Variants in PKNOX2 observed in about 807,000 individuals in gnomAD.
PKNOX2 encodes homeobox protein PKNOX2.
PKNOX2 carries 14 observed loss-of-function variants against 53.1 expected under a neutral mutation model. That is an observed-to-expected ratio of 0.26 (90% CI 0.17 to 0.41). The LOEUF (loss-of-function observed/expected upper bound fraction) is 0.41, where lower values mean the gene tolerates loss of function less well. Among genes scored for constraint, PKNOX2 ranks in the 10% least tolerant of loss-of-function variants. The probability of loss-of-function intolerance (pLI) is 1.00; values close to 1 mark genes in which losing one functional copy is unlikely to be tolerated. For synonymous variants in PKNOX2, 257 were observed against 242.8 expected (o/e 1.06, Z -0.54); for missense variants, 496 against 602.8 (o/e 0.82, Z 1.85).
chr11:125,359,879 G>A (rs779467979), intron 4 of PKNOX2, among the ~76,000 whole-genome samples: 1 of 152,214 alleles, frequency 6.6e-6, no homozygotes, highest in Non-Finnish European at 1.5e-5. Flanking sequence ...CCTCTTAGGA[G>A]TGTCTGTGCT....
chr11:125,343,230 T>C (rs984141259), intron 3 of PKNOX2, among the ~76,000 whole-genome samples: 5 of 152,040 alleles, frequency 3.3e-5, no homozygotes, highest in African/African-American at 1.2e-4. Context: ...GGGGACACAA[T>C]AGTCATGGCC....
At chr11:125,213,521 A>T (rs949921201) in intron 1 of PKNOX2, among the ~76,000 whole-genome samples, 3 of 152,108 alleles carry the variant, frequency 2.0e-5, no homozygotes, top group African/African-American at 7.2e-5. Context: ...TACAGTGCAC[A>T]ATCAGGGCTC....
intron 8 of PKNOX2, 73 bp downstream of exon 8, chr11:125,410,398 C>A (rs1004754727): frequency 2.5e-6 from 4 of 1,591,088 alleles, no homozygotes; most frequent in Middle Eastern, 1.7e-4. Flanking sequence ...GAGGCGGTTC[C>A]AGGGGTGGGG....
At chr11:125,197,927 G>A (rs1380208748) in intron 1 of PKNOX2, among the ~76,000 whole-genome samples, 1 of 152,170 alleles carries the variant, frequency 6.6e-6, no homozygotes, top group African/African-American at 2.4e-5. Flanking sequence ...AGAGACCCTA[G>A]GGAAGCTAAT....
chr11:125,214,478 T>A (rs1940241573), intron 1 of PKNOX2, among the ~76,000 whole-genome samples: 1 of 152,010 alleles, frequency 6.6e-6, no homozygotes, highest in Non-Finnish European at 1.5e-5. Flanking sequence ...GTCTAAATCA[T>A]GTACCTGGGA....
Position 125,410,889 on chromosome 11 carries a change from A to C in PKNOX2, c.816+13A>C, listed in dbSNP as rs1189543182. 1 of 1,603,190 alleles carries C rather than the reference A, an allele frequency of 6.2e-7. No individual in the cohort carries two copies. The highest frequency in any genetic ancestry group is 8.5e-7 in the Non-Finnish European group (1 of 1,170,120). On this transcript the variant is annotated intron_variant, in intron 9 of 12. Transcript: ENST00000298282. ...CCAGAACACACAGGTGAGTGTGTGT[A>C]GGTGTGTGCACATGTGCATGGTGTG...
chr11:125,197,882 C>T (rs1004257604), intron 1 of PKNOX2, among the ~76,000 whole-genome samples: 5 of 152,202 alleles, frequency 3.3e-5, no homozygotes, highest in African/African-American at 1.2e-4. Context: ...GCCGTCACCT[C>T]TTTGGGCCAC....
intron 2 of PKNOX2, among the ~76,000 whole-genome samples, chr11:125,330,056 T>C (rs1950046802): frequency 6.6e-6 from 1 of 152,088 alleles, no homozygotes; most frequent in South Asian, 2.1e-4. Context: ...TAGCTCTGCC[T>C]GGAAGCAGCA....
chr11:125,334,965 G>T (rs1950354075), intron 3 of PKNOX2, among the ~76,000 whole-genome samples: 1 of 151,984 alleles, frequency 6.6e-6, no homozygotes, highest in South Asian at 2.1e-4. Context: ...TACCTCATGG[G>T]GCTTCTGTGC....
chr11:125,404,261 C>G (rs1954933207), intron 7 of PKNOX2, among the ~76,000 whole-genome samples: 1 of 152,244 alleles, frequency 6.6e-6, no homozygotes, highest in Non-Finnish European at 1.5e-5. Context: ...AGCCCTGCAG[C>G]CGTGGAGCCC....
intron 4 of PKNOX2, among the ~76,000 whole-genome samples, chr11:125,355,350 C>T (rs925605373): frequency 1.5e-4 from 23 of 152,020 alleles, no homozygotes; most frequent in African/African-American, 5.1e-4. Context: ...TGACCTACTT[C>T]CTCTTTCTGG....
chr11:125,390,553 G>A (rs1424170024), intron 6 of PKNOX2, among the ~76,000 whole-genome samples: 1 of 152,216 alleles, frequency 6.6e-6, no homozygotes, highest in Non-Finnish European at 1.5e-5. Flanking sequence ...TCTCACCGTA[G>A]GTGGAAGACC....
In PKNOX2 at chr11:125,220,612, A is replaced by C. The variant is rs544355049; in HGVS notation, c.-200-14433A>C. 2.3e-4 allele frequency among the ~76,000 whole-genome samples: 35 copies of C among 152,294 alleles called. No individual in the cohort carries two copies. In the South Asian group the frequency reaches 7.3e-3, roughly 32 times the overall value. On this transcript the variant is annotated intron_variant, in intron 1 of 12. Transcript: ENST00000298282. The stretch of plus-strand genomic sequence containing the variant: ...GGAAACAATGGCAGGTCACTGGGGC[A>C]ATCAGCCCTGGGGAATCATTTCACC...
At chr11:125,356,172 G>C (rs188671461) in intron 4 of PKNOX2, among the ~76,000 whole-genome samples, 1 of 152,108 alleles carries the variant, frequency 6.6e-6, no homozygotes, top group African/African-American at 2.4e-5. Flanking sequence ...TTCAGTCTGC[G>C]TGTCCCTGGC....
intron 4 of PKNOX2, among the ~76,000 whole-genome samples, chr11:125,354,469 G>A (rs1274330785): frequency 6.6e-6 from 1 of 152,132 alleles, no homozygotes. Flanking sequence ...GGCAACAAAT[G>A]GGCAGTCTCT....
chr11:125,418,459 C>T lies in PKNOX2; in HGVS notation c.936+6594C>T, dbSNP rs557533742. 6.6e-5 allele frequency among the ~76,000 whole-genome samples: 10 copies of T among 152,108 alleles called. No homozygotes were observed. The South Asian group carries it at 1.7e-3, about 25-fold the overall frequency. On this transcript the variant is annotated intron_variant, in intron 10 of 12. Coordinates refer to ENST00000298282, the MANE Select transcript of PKNOX2 (RefSeq NM_001382323.2). ...TTGTTCTCTTAGACTCTGTCAGATG[C>T]CCAGCTATCCTTCCCCCAGCCTGAG...
At chr11:125,408,381 A>G (rs1171418418) in intron 7 of PKNOX2, among the ~76,000 whole-genome samples, 1 of 152,220 alleles carries the variant, frequency 6.6e-6, no homozygotes, top group Non-Finnish European at 1.5e-5. Context: ...AGGGGAAGCC[A>G]AGGCAAGAGC....
chr11:125,379,824 A>T (rs1953102349), intron 5 of PKNOX2, among the ~76,000 whole-genome samples: 1 of 152,194 alleles, frequency 6.6e-6, no homozygotes, highest in South Asian at 2.1e-4. Context: ...ATTAAACCCA[A>T]CGATGGCTTA....
intron 3 of PKNOX2, among the ~76,000 whole-genome samples, chr11:125,333,541 C>CACAT (rs1361012099): frequency 5.1e-5 from 7 of 136,244 alleles, no homozygotes; most frequent in African/African-American, 2.0e-4. Context: ...CCAAGACACA[C>CACAT]ACACACATAC....
Sources: allele counts gnomAD v4.1 joint callset (sites outside exome capture counted in the v4.1 genomes callset), GRCh38; gene constraint gnomAD v4.1.1; transcripts MANE v1.5; gene names NCBI Gene and HGNC (gene_info 2026-07-23, HGNC 2026-07-21).